The following ARHGEF17 variants were observed in gnomAD, a reference collection of about 807,000 sequenced individuals.
ARHGEF17 encodes the protein Rho guanine nucleotide exchange factor 17, also known as 164 kDa Rho-specific guanine-nucleotide exchange factor.
In ARHGEF17, 80 loss-of-function variants were observed where a neutral mutation model predicts 174.0. The observed-to-expected ratio is 0.46, with a 90% CI of 0.38 to 0.55. The LOEUF (loss-of-function observed/expected upper bound fraction) is 0.55, where lower values mean the gene tolerates loss of function less well. Among genes scored for constraint, ARHGEF17 ranks in the 20% least tolerant of loss-of-function variants. The pLI is 0.00. For synonymous variants in ARHGEF17, 1,311 were observed against 1,189.1 expected (o/e 1.10, Z -2.11); for missense variants, 2,886 against 2,839.7 (o/e 1.02, Z -0.37).
chr11:73,356,952 T>A, intron 7 of ARHGEF17, 73 bp from the exon 8 acceptor site: 1 of 1,532,990 alleles, frequency 6.5e-7, no homozygotes, highest in South Asian at 1.1e-5. Context: ...AGTGTCCCCT[T>A]GGGCACTATG....
At position 73,362,623 on chromosome 11, in the gene ARHGEF17, C is replaced by A; in HGVS notation, c.4885C>A (p.Arg1629Ser). The A allele has an allele frequency of 6.2e-7, 1 of 1,611,414 alleles. No individual in the cohort carries two copies. Among genetic ancestry groups the A allele is most frequent in the Non-Finnish European group, 8.5e-7 (1 of 1,179,990 alleles). ...GCCGGGCCTCGGCGAGGGTGACCCCCGCCCAGAGCTGGTGCCCTTTGACAG... is the reference window on the plus strand; with the variant it reads ...GCCGGGCCTCGGCGAGGGTGACCCCAGCCCAGAGCTGGTGCCCTTTGACAG... ...MTPGLGEGDP[R>S]PELVPFDSDS... The change falls in exon 14 of 21, where the codon CGC (arginine) becomes AGC (serine). Residue 1629 changes from arginine to serine, a missense_variant. Physicochemically the swap from Arg to Ser is moderately radical, Grantham distance 110 (BLOSUM62 -1). Around this residue, in one of 4 missense-constraint regions of ARHGEF17, gnomAD observed 476 missense variants for 473.1 expected, o/e 1.01. Transcript: ENST00000263674.
intron 1 of ARHGEF17, among the ~76,000 whole-genome samples, chr11:73,331,922 G>A (rs1203093483): frequency 6.6e-6 from 1 of 152,154 alleles, no homozygotes; most frequent in Non-Finnish European, 1.5e-5. Flanking sequence ...CAGAGACTGA[G>A]GGGTCCAGCC....
In ARHGEF17 at chr11:73,310,056, C is replaced by T. The variant is rs1047609049; in HGVS notation, c.1418C>T (p.Thr473Met). ...CCAGATATCGCCTCAGAGACCCTGA[C>T]GCTTCTCAGTTTCCTGCGCTCAGAC... ...SNPDIASETLTLLSFLRSDLS... is the reference protein window; with the variant it reads ...SNPDIASETLMLLSFLRSDLS... The change falls in exon 1 of 21, where the codon ACG becomes ATG. Residue 473 changes from threonine to methionine, a missense_variant. Around this residue, in one of 4 missense-constraint regions of ARHGEF17, gnomAD observed 1,728 missense variants for 1,461.2 expected, o/e 1.18. Transcript: ENST00000263674. 21 of 1,614,064 alleles carry T rather than the reference C, an allele frequency of 1.3e-5. No homozygotes were observed. Among genetic ancestry groups the T allele is most frequent in the Non-Finnish European group, 1.7e-5 (20 of 1,180,024 alleles).
chr11:73,311,773 A>G lies in ARHGEF17; in HGVS notation c.3135A>G (p.Ala1045=). Residue 1045 remains alanine (A), a synonymous_variant, in exon 1 of 21, where the codon GCA becomes GCG. Coordinates refer to ENST00000263674, the MANE Select transcript of ARHGEF17 (RefSeq NM_014786.4). ...CTGCTGAGGCCAAGCCCCCTGAGGCAGCTCGGCCTGCAGATGAGCCTACCC... is the reference window on the plus strand; with the variant it reads ...CTGCTGAGGCCAAGCCCCCTGAGGCGGCTCGGCCTGCAGATGAGCCTACCC... ...PPSAEAKPPE[A]ARPADEPTPA... is the part of the protein sequence containing the mutation. 6.2e-7 allele frequency: 1 copy of G among 1,612,088 alleles called. No homozygotes were observed. Among genetic ancestry groups the G allele is most frequent in the Non-Finnish European group, 8.5e-7 (1 of 1,179,248 alleles).
Position 73,365,948 on chromosome 11 carries a change from G to A in ARHGEF17, c.5995+1G>A. ...ACCCCACCACCTCCCCCAGACACAG[G>A]TGGGTCAGTGCATCATACCCCAAGC... On this transcript the variant is annotated splice_donor_variant, in intron 20 of 20. Coordinates refer to ENST00000263674, the MANE Select transcript of ARHGEF17 (RefSeq NM_014786.4). LOFTEE classifies it high-confidence loss of function. The surrounding 1 kb of genome is among the most constrained non-coding windows in gnomAD (Gnocchi z 4.9). 6.3e-7 allele frequency: 1 copy of A among 1,599,744 alleles called. No homozygotes were observed. Among genetic ancestry groups the A allele is most frequent in the South Asian group, 1.1e-5 (1 of 90,962 alleles).
chr11:73,316,915 A>T (rs554366264), intron 1 of ARHGEF17, among the ~76,000 whole-genome samples: 1 of 152,196 alleles, frequency 6.6e-6, no homozygotes, highest in Non-Finnish European at 1.5e-5. Context: ...ACAAGAGATG[A>T]TGGTGGCTTG....
rs1565183312 is a variant in ARHGEF17 at position 73,309,774 on chromosome 11, CG to C, written c.1137del (p.Tyr380ThrfsTer67). 6.2e-7 allele frequency: 1 copy of C among 1,613,016 alleles called. No homozygotes were observed. Among genetic ancestry groups the C allele is most frequent in the Non-Finnish European group, 8.5e-7 (1 of 1,179,962 alleles). On this transcript the variant is annotated frameshift_variant, in exon 1 of 21. Transcript: ENST00000263674. LOFTEE classifies it high-confidence loss of function. ...CGTGTGGCCAAGGTGAGCTTTCCCT[CG>C]TACCTGGCCAGCCCCGCAGGCTCCC... ...AFRVAKVSFP[S>X]YLASPAGSRG...
chr11:73,361,058 G>A (rs912714555), intron 11 of ARHGEF17, 30 bp from the exon 12 acceptor site: 26 of 1,583,830 alleles, frequency 1.6e-5, no homozygotes, highest in Admixed American at 1.3e-4. Context: ...TGCTAAGCAG[G>A]GTCCGTCTGT....
intron 1 of ARHGEF17, among the ~76,000 whole-genome samples, chr11:73,322,680 G>A (rs571300337): frequency 4.6e-5 from 7 of 152,170 alleles, no homozygotes; most frequent in Non-Finnish European, 7.4e-5. Flanking sequence ...CTGGGGAGAG[G>A]CTCTGTGTGG....
chr11:73,315,882 T>C (rs1181907878), intron 1 of ARHGEF17, among the ~76,000 whole-genome samples: 7 of 152,184 alleles, frequency 4.6e-5, no homozygotes, highest in Admixed American at 4.6e-4. Flanking sequence ...CTGCTGCTAA[T>C]CCTGTCCCCA....
Position 73,364,239 on chromosome 11 carries a change from G to A in ARHGEF17, c.5401G>A (p.Gly1801Ser). ...GELVVYQREA[G>S]HFWDPQNFKS... ...GCTTGTGGTCTACCAAAGGGAAGCA[G>A]GTGAGTATCTGCCCTCCCCCACACC... is the stretch of plus-strand genomic sequence containing the variant. Residue 1801 changes from glycine (G) to serine (S), a missense_variant and splice_region_variant, in exon 17 of 21, where the codon GGC becomes AGC. Physicochemically the swap from Gly to Ser is moderately conservative, Grantham distance 56. Coordinates refer to ENST00000263674, the MANE Select transcript of ARHGEF17 (RefSeq NM_014786.4). 1 of 1,614,140 alleles carries A rather than the reference G, an allele frequency of 6.2e-7. No individual in the cohort carries two copies. Among genetic ancestry groups the A allele is most frequent in the East Asian group, 2.2e-5 (1 of 44,890 alleles).
At chr11:73,363,890 C>T in intron 16 of ARHGEF17, 57 bp downstream of exon 16, 2 of 1,543,384 alleles carry the variant, frequency 1.3e-6, no homozygotes, top group Non-Finnish European at 1.8e-6. Flanking sequence ...ACGTGCAGGC[C>T]TCCTTCTGTT....
chr11:73,308,368 C>A lies in ARHGEF17; in HGVS notation c.-271C>A. ...CTGGGATCCCGCCCAGGCGGTGCCG[C>A]GGTGCCCCTGGTCGCTCCAGCCGCG... On this transcript the variant is annotated 5_prime_UTR_variant, in exon 1 of 21. Coordinates refer to ENST00000263674, the MANE Select transcript of ARHGEF17 (RefSeq NM_014786.4). 1 of 366,476 alleles carries A rather than the reference C, an allele frequency of 2.7e-6. No homozygotes were observed. The highest frequency in any genetic ancestry group is 4.9e-6 in the Non-Finnish European group (1 of 205,428). The allele number at this position is 366,476 out of a possible 1,614,324, so 22.7% of individuals were successfully genotyped here. A position where few individuals can be genotyped will look rare whatever the true frequency, so the allele number is the denominator to read the frequency against.
chr11:73,355,696 C>T, intron 4 of ARHGEF17, 47 bp downstream of exon 4: 2 of 1,591,556 alleles, frequency 1.3e-6, no homozygotes, highest in Non-Finnish European at 1.7e-6. Flanking sequence ...TCACCTTGGG[C>T]CAGCTTTGAG....
At chr11:73,350,767 C>T (rs11821074) in intron 2 of ARHGEF17, among the ~76,000 whole-genome samples, 7,284 of 152,220 alleles carry the variant, frequency 0.048, 605 homozygotes, top group African/African-American at 0.17. Context: ...ACCACCCTGA[C>T]GAGTCCCCCT....
chr11:73,346,838 G>T, intron 1 of ARHGEF17, 45 bp from the exon 2 acceptor site: 3 of 1,382,264 alleles, frequency 2.2e-6, no homozygotes, highest in Non-Finnish European at 2.9e-6. Flanking sequence ...GATGGGGTCT[G>T]GGGGGAAAAA....
At chr11:73,313,559 C>T (rs1463080896) in intron 1 of ARHGEF17, among the ~76,000 whole-genome samples, 1 of 152,180 alleles carries the variant, frequency 6.6e-6, no homozygotes, top group Non-Finnish European at 1.5e-5. Context: ...CTCCTCTACC[C>T]CCCACCCCTT....
chr11:73,309,330 G>C lies in ARHGEF17; in HGVS notation c.692G>C (p.Cys231Ser), dbSNP rs79815384. The C allele has an allele frequency of 1.9e-6, 3 of 1,607,686 alleles. No homozygotes were observed. The highest frequency in any genetic ancestry group is 1.7e-6 in the Non-Finnish European group (2 of 1,177,578). ...CCGCAGGCCGGGGCCCGGGCCTCCT[G>C]CTCCTCCTCCTCCATCGCCGCCTCC... Reference protein sequence around the residue: ...SQPQAGARASCSSSSIAASYP... With the variant: ...SQPQAGARASSSSSSIAASYP... Residue 231 changes from cysteine to serine, a missense_variant, in exon 1 of 21, where the codon TGC (cysteine) becomes TCC (serine). Transcript: ENST00000263674.
intron 9 of ARHGEF17, among the ~76,000 whole-genome samples, chr11:73,358,811 G>C (rs563335854): frequency 6.6e-6 from 1 of 152,156 alleles, no homozygotes; most frequent in African/African-American, 2.4e-5. Context: ...TTCAACCTGT[G>C]AGTGTTGAGT....
Sources: gnomAD v4.1 joint callset for allele counts (sites outside exome capture counted in the v4.1 genomes callset) on GRCh38, gnomAD v4.1.1 for gene constraint, gnomAD v4.1.1 regional missense constraint, Gnocchi (gnomAD v3.1) non-coding constraint, MANE v1.5 for transcripts, NCBI Gene and HGNC (gene_info 2026-07-23, HGNC 2026-07-21) for gene names.